Variants in PDIA4 observed in about 807,000 individuals in gnomAD.
PDIA4 encodes the protein protein disulfide isomerase family A member 4.
A neutral mutation model predicts 62.1 loss-of-function variants in PDIA4; 33 were observed. The ratio of observed to expected loss-of-function variants is 0.53; its 90% CI spans 0.40 to 0.71. PDIA4 has a LOEUF of 0.71. Ranked by LOEUF, PDIA4 falls within the 30% of genes least tolerant of loss-of-function variation. The pLI is 0.00. For missense variants in PDIA4, 804 were observed against 813.6 expected, an observed-to-expected ratio of 0.99 and a Z score of 0.14; for synonymous variants, 341 against 324.1, an observed-to-expected ratio of 1.05 and a Z score of -0.56.
chr7:149,005,402 G>A (rs1823718072), intron 8 of PDIA4, 28 bp from the exon 9 acceptor site: 2 of 1,503,388 alleles, frequency 1.3e-6, no homozygotes, highest in Non-Finnish European at 1.9e-6. Flanking sequence ...CCATAAGCCA[G>A]GCGGCCACAC....
chr7:149,019,092 C>T lies in PDIA4; in HGVS notation c.375G>A (p.Ala125=), dbSNP rs535224296. 1.5e-5 allele frequency: 25 copies of T among 1,613,722 alleles called. No homozygotes were observed. Among genetic ancestry groups the T allele is most frequent in the Middle Eastern group, 1.6e-4 (1 of 6,062 alleles). ...CATCAAACCTGCTGGCCAGCACAGA[C>T]GCTGAGGTTGCATCGATCTTGGCAA... ...IPVAKIDATS[A]SVLASRFDVS... The change falls in exon 3 of 10, where the codon GCG becomes GCA. Residue 125 remains alanine (A), a synonymous_variant. Transcript: ENST00000652332.
At chr7:149,004,698 G>A (rs896481202) in intron 9 of PDIA4, among the ~76,000 whole-genome samples, 1 of 152,222 alleles carries the variant, frequency 6.6e-6, no homozygotes, top group African/African-American at 2.4e-5. Flanking sequence ...GAAGCCACAA[G>A]GGGTGTTCAG....
Position 149,011,962 on chromosome 7 carries a change from T to C in PDIA4, c.863A>G (p.Lys288Arg), listed in dbSNP as rs751505200. 5.0e-6 allele frequency: 8 copies of C among 1,608,558 alleles called. No individual in the cohort carries two copies. Among genetic ancestry groups the C allele is most frequent in the Admixed American group, 3.4e-5 (2 of 59,404 alleles). The stretch of plus-strand genomic sequence containing the variant: ...GACCTGCTTCAGGGTCAGAATCTCC[T>C]TGGAGGGAGGCCCGGACTGCTCGAT... Reference protein sequence around the residue: ...YMIEQSGPPSKEILTLKQVQE... With the variant: ...YMIEQSGPPSREILTLKQVQE... Residue 288 changes from lysine (K) to arginine (R), a missense_variant, in exon 6 of 10, where the codon AAG (lysine) becomes AGG (arginine). By Grantham distance (26) the Lys-to-Arg change is conservative (BLOSUM62 2). Coordinates refer to ENST00000652332, the MANE Select transcript of PDIA4 (RefSeq NM_004911.5).
In PDIA4 at chr7:149,014,813, T is replaced by G; in HGVS notation, c.614+91A>C. 6.3e-6 allele frequency: 8 copies of G among 1,275,618 alleles called. No individual in the cohort carries two copies. The Middle Eastern group carries it at 1.5e-3, about 246-fold the overall frequency. The allele number at this position is 1,275,618 out of a possible 1,614,324, so 79.0% of individuals were successfully genotyped here. A position where few individuals can be genotyped will look rare whatever the true frequency, so the allele number is the denominator to read the frequency against. ...ACAACTCGTGCCCACCTTGCTCCTC[T>G]GCTGTTCCTGCCTCACGGGCAGGGG... On this transcript the variant is annotated intron_variant, in intron 4 of 9. Transcript: ENST00000652332.
chr7:149,011,522 G>A (rs374729678), intron 6 of PDIA4, among the ~76,000 whole-genome samples: 1 of 152,194 alleles, frequency 6.6e-6, no homozygotes, highest in Non-Finnish European at 1.5e-5. Flanking sequence ...ATAATAACTG[G>A]AAGAGCCAGG....
chr7:149,008,248 A>G lies in PDIA4; in HGVS notation c.1042T>C (p.Leu348=), dbSNP rs1386901290. ...HTFSTEIAKF[L]KVSQGQLVVM... ...ACCAACTGCCCCTGGGAGACTTTCA[A>G]GAACTTTGCTATTTCTGTGCTGAAA... is the stretch of plus-strand genomic sequence containing the variant. The change falls in exon 7 of 10, where the codon TTG becomes CTG. Residue 348 remains leucine, a synonymous_variant. Coordinates refer to ENST00000652332, the MANE Select transcript of PDIA4 (RefSeq NM_004911.5). 1 of 1,614,130 alleles carries G rather than the reference A, an allele frequency of 6.2e-7. No homozygotes were observed. Among genetic ancestry groups the G allele is most frequent in the East Asian group, 2.2e-5 (1 of 44,882 alleles).
At chr7:149,017,305 C>A (rs984157916) in intron 3 of PDIA4, among the ~76,000 whole-genome samples, 1 of 152,014 alleles carries the variant, frequency 6.6e-6, no homozygotes, top group East Asian at 1.9e-4. Flanking sequence ...AATAAGAGGC[C>A]GGGCACAGTG....
intron 2 of PDIA4, 62 bp from the exon 3 acceptor site, chr7:149,019,259 A>G (rs1824258960): frequency 2.6e-6 from 3 of 1,144,446 alleles, no homozygotes; most frequent in Non-Finnish European, 2.7e-6. Context: ...TAAATCCAAC[A>G]ATAATACATA....
At chr7:149,016,582 G>A (rs942294517) in intron 3 of PDIA4, among the ~76,000 whole-genome samples, 16 of 151,546 alleles carry the variant, frequency 1.1e-4, no homozygotes, top group Non-Finnish European at 1.9e-4. Flanking sequence ...GCAGTGGCGC[G>A]ATCTCGGCTC....
At chr7:149,005,077 G>C in intron 9 of PDIA4, 64 bp downstream of exon 9, 2 of 1,343,816 alleles carry the variant, frequency 1.5e-6, no homozygotes, top group Non-Finnish European at 2.1e-6. Flanking sequence ...CCCCTGGCCT[G>C]TCTGGATTCC....
At chr7:149,015,492 CAAAAAA>C (rs34656815) in intron 3 of PDIA4, among the ~76,000 whole-genome samples, 1,213 of 104,422 alleles carry the variant, frequency 0.012, 9 homozygotes, top group Non-Finnish European at 0.012. Flanking sequence ...AAGATGTATG[CAAAAAA>C]AAAAAAAAAA....
chr7:149,007,082 G>C (rs962831333), intron 7 of PDIA4, among the ~76,000 whole-genome samples: 5 of 152,128 alleles, frequency 3.3e-5, no homozygotes, highest in African/African-American at 1.2e-4. Context: ...GTGAAGCTGG[G>C]GGGAGGGGTC....
intron 1 of PDIA4, among the ~76,000 whole-genome samples, chr7:149,023,673 C>T (rs1300897591): frequency 6.6e-6 from 1 of 152,070 alleles, no homozygotes; most frequent in East Asian, 1.9e-4. Flanking sequence ...TCAACTCTTC[C>T]AGGTAGGAAT....
intron 1 of PDIA4, chr7:149,027,930 C>G (rs1172316795): frequency 4.0e-6 from 2 of 493,866 alleles, no homozygotes; most frequent in Non-Finnish European, 8.3e-6. Flanking sequence ...TCCAGTGGCT[C>G]TCCCTCTCCC....
chr7:149,021,107 CTCCTCTTCA>C lies in PDIA4; in HGVS notation c.120_128del (p.Asp40_Glu42del). 6.2e-7 allele frequency: 1 copy of C among 1,608,676 alleles called. No homozygotes were observed. Among genetic ancestry groups the C allele is most frequent in the East Asian group, 2.2e-5 (1 of 44,766 alleles). ...CCTCATCATCATCTTCCTCCTCCTC[CTCCTCTTCA>C]TCCTCAATGGCATTTTCTCTGTTAG... On this transcript the variant is annotated inframe_deletion, in exon 2 of 10. Coordinates refer to ENST00000652332, the MANE Select transcript of PDIA4 (RefSeq NM_004911.5).
chr7:149,017,254 G>A (rs955016854), intron 3 of PDIA4, among the ~76,000 whole-genome samples: 13 of 151,696 alleles, frequency 8.6e-5, no homozygotes, highest in Admixed American at 2.6e-4. Flanking sequence ...CCTTGCTAAA[G>A]GATACCATGT....
At chr7:149,008,422 TG>T in intron 6 of PDIA4, 112 bp from the exon 7 acceptor site, 1 of 1,100,714 alleles carries the variant, frequency 9.1e-7, no homozygotes, top group Non-Finnish European at 1.3e-6. Context: ...CACTGTAGGC[TG>T]GGCGCGGTGG....
chr7:149,010,011 T>C (rs1384066196), intron 6 of PDIA4, among the ~76,000 whole-genome samples: 1 of 152,166 alleles, frequency 6.6e-6, no homozygotes, highest in African/African-American at 2.4e-5. Context: ...GTGGCTGAGA[T>C]GGTAAACCAT....
At chr7:149,019,810 C>CA (rs1468024894) in intron 2 of PDIA4, among the ~76,000 whole-genome samples, 2 of 152,228 alleles carry the variant, frequency 1.3e-5, no homozygotes, top group African/African-American at 4.8e-5. Context: ...AAATCTGTCT[C>CA]AAAAAAATTT....
Sources: allele counts gnomAD v4.1 joint callset (sites outside exome capture counted in the v4.1 genomes callset), GRCh38; gene constraint gnomAD v4.1.1; transcripts MANE v1.5; gene names NCBI Gene and HGNC (gene_info 2026-07-23, HGNC 2026-07-21).